EYS: variants seen among roughly 807,000 people sequenced by gnomAD.
EYS encodes the protein EGF-like photoreceptor maintenance factor, also known as protein eyes shut homolog.
EYS carries 250 observed loss-of-function variants against 282.1 expected under a neutral mutation model. That is an observed-to-expected ratio of 0.89 (90% CI 0.80 to 0.98). The LOEUF (loss-of-function observed/expected upper bound fraction) is 0.98. EYS is among the 50% of genes least tolerant of loss of function. The pLI is 0.00. For synonymous variants in EYS, 1,355 were observed against 1,282.9 expected, an observed-to-expected ratio of 1.06 and a Z score of -1.20; for missense variants, 4,016 against 3,709.0, an observed-to-expected ratio of 1.08 and a Z score of -2.15.
intron 13 of EYS, among the ~76,000 whole-genome samples, chr6:65,003,112 C>T (rs908315108): frequency 9.5e-5 from 14 of 147,660 alleles, no homozygotes; most frequent in African/African-American, 3.2e-4. Flanking sequence ...GAACTCTGAC[C>T]GCCGGTGAGC....
intron 29 of EYS, among the ~76,000 whole-genome samples, chr6:64,357,592 C>T (rs139282952): frequency 6.3e-4 from 96 of 151,584 alleles, no homozygotes; most frequent in African/African-American, 2.1e-3. Flanking sequence ...TTTTGAAAGC[C>T]TGTTGGGAAA....
chr6:65,352,787 T>G (rs1017724487), intron 9 of EYS, among the ~76,000 whole-genome samples: 1 of 151,984 alleles, frequency 6.6e-6, no homozygotes, highest in African/African-American at 2.4e-5. Flanking sequence ...CTATTCCTTT[T>G]AGAAGAGAAA....
At chr6:64,141,297 T>A (rs1031460570) in intron 31 of EYS, among the ~76,000 whole-genome samples, 1 of 152,216 alleles carries the variant, frequency 6.6e-6, no homozygotes, top group Admixed American at 6.5e-5. Flanking sequence ...TATGTTGAAT[T>A]GCTAACAAGC....
chr6:65,442,387 A>C (rs1386136081), intron 5 of EYS, among the ~76,000 whole-genome samples: 1 of 152,054 alleles, frequency 6.6e-6, no homozygotes, highest in African/African-American at 2.4e-5. Context: ...GAACTTAGAA[A>C]TTTTATTATT....
At chr6:64,704,860 C>G (rs1027474972) in intron 22 of EYS, among the ~76,000 whole-genome samples, 1 of 152,096 alleles carries the variant, frequency 6.6e-6, no homozygotes, top group Non-Finnish European at 1.5e-5. Flanking sequence ...CACAAATCCA[C>G]AGCCAAAATA....
chr6:64,407,560 G>A (rs1223328974), intron 28 of EYS, among the ~76,000 whole-genome samples: 1 of 152,068 alleles, frequency 6.6e-6, no homozygotes, highest in Non-Finnish European at 1.5e-5. Flanking sequence ...AAGAAGTGGG[G>A]CTTCTAATTC....
chr6:64,644,278 G>A (rs547207907), intron 22 of EYS, among the ~76,000 whole-genome samples: 1 of 151,706 alleles, frequency 6.6e-6, no homozygotes, highest in East Asian at 2.0e-4. Context: ...CCAGTTTTAT[G>A]AGCCATAAAA....
At chr6:65,556,641 T>C (rs1768816037) in intron 2 of EYS, among the ~76,000 whole-genome samples, 7 of 152,186 alleles carry the variant, frequency 4.6e-5, no homozygotes, top group Admixed American at 4.6e-4. Flanking sequence ...ATTATAATAA[T>C]GTAGGTATTT....
chr6:64,008,111 A>G (rs1260502611), intron 33 of EYS, among the ~76,000 whole-genome samples: 1 of 152,202 alleles, frequency 6.6e-6, no homozygotes, highest in Non-Finnish European at 1.5e-5. Context: ...ATGGTTATCT[A>G]AAATTCTTCA....
chr6:64,016,493 T>C (rs1313632205), intron 33 of EYS, among the ~76,000 whole-genome samples: 1 of 76,866 alleles, frequency 1.3e-5, no homozygotes, highest in Non-Finnish European at 3.1e-5. Flanking sequence ...TTTTTGATTT[T>C]TTTTTTTTTT....
At chr6:65,284,456 A>G (rs967739055) in intron 12 of EYS, among the ~76,000 whole-genome samples, 2 of 152,042 alleles carry the variant, frequency 1.3e-5, no homozygotes, top group African/African-American at 4.8e-5. Flanking sequence ...TATTTTTACC[A>G]TGTATGCTTA....
At chr6:64,548,640 G>C (rs1364460147) in intron 26 of EYS, among the ~76,000 whole-genome samples, 2 of 152,022 alleles carry the variant, frequency 1.3e-5, no homozygotes, top group East Asian at 1.9e-4. Context: ...AGAACACATG[G>C]ACACAGGAAG....
At chr6:64,259,265 A>G (rs1253211087) in intron 30 of EYS, among the ~76,000 whole-genome samples, 1 of 152,120 alleles carries the variant, frequency 6.6e-6, no homozygotes, top group African/African-American at 2.4e-5. Context: ...TATATTTGAA[A>G]TAAAGTTAGG....
At chr6:64,012,294 A>G (rs9362375) in intron 33 of EYS, among the ~76,000 whole-genome samples, 41,815 of 152,102 alleles carry the variant, frequency 0.27, 6,463 homozygotes, top group Middle Eastern at 0.38. Flanking sequence ...TACATTTAAG[A>G]TAGAAAGAGG....
intron 2 of EYS, among the ~76,000 whole-genome samples, chr6:65,569,443 T>G (rs1423200268): frequency 6.6e-6 from 1 of 152,162 alleles, no homozygotes. Flanking sequence ...ACAAATCTTC[T>G]TCTTGCCTGG....
chr6:65,258,470 A>G (rs115112087), intron 12 of EYS, among the ~76,000 whole-genome samples: 260 of 152,174 alleles, frequency 1.7e-3, no homozygotes, highest in African/African-American at 6.0e-3. Context: ...TCTATCGTGC[A>G]TGGTAGTTTA....
At chr6:65,595,994 C>T (rs561045704) in intron 2 of EYS, among the ~76,000 whole-genome samples, 8 of 152,156 alleles carry the variant, frequency 5.3e-5, no homozygotes, top group East Asian at 3.9e-4. Context: ...CAGCCTATTG[C>T]GAGCACCCCT....
At chr6:64,940,962 T>C (rs948761623) in intron 15 of EYS, among the ~76,000 whole-genome samples, 1 of 152,100 alleles carries the variant, frequency 6.6e-6, no homozygotes, top group African/African-American at 2.4e-5. Flanking sequence ...TGTAAAATAA[T>C]CATCTGAGTG....
chr6:65,392,859 AG>A lies in EYS; in HGVS notation c.1185-8360del, dbSNP rs943756685. Among the ~76,000 whole-genome samples the A allele has an allele frequency of 3.5e-4, 53 of 152,052 alleles. 1 individual carries two copies. The highest frequency in any genetic ancestry group is 1.1e-3 in the African/African-American group (44 of 41,432). On this transcript the variant is annotated intron_variant, in intron 7 of 42. Transcript: ENST00000503581. ...AGGAATATAAATCATGCTGCTATAA[AG>A]ACACATGCACACATATGTTTATTGC...
Sources: allele counts gnomAD v4.1 joint callset (sites outside exome capture counted in the v4.1 genomes callset), GRCh38; gene constraint gnomAD v4.1.1; transcripts MANE v1.5; gene names NCBI Gene and HGNC (gene_info 2026-07-23, HGNC 2026-07-21).